Variants in SLC29A3 observed in about 807,000 individuals in gnomAD.
The protein encoded by SLC29A3 is solute carrier family 29 member 3, also known as equilibrative nucleoside transporter 3.
A neutral mutation model predicts 25.4 loss-of-function variants in SLC29A3; 18 were observed. That is an observed-to-expected ratio of 0.71 (90% CI 0.49 to 1.05). The LOEUF is 1.05. Among genes scored for constraint, SLC29A3 ranks in the 50% least tolerant of loss-of-function variants. The pLI, the probability that SLC29A3 is intolerant of heterozygous loss-of-function variation, is 0.00. For missense variants in SLC29A3, 586 were observed against 609.0 expected, an observed-to-expected ratio of 0.96 and a Z score of 0.40; for synonymous variants, 258 against 267.1, an observed-to-expected ratio of 0.97 and a Z score of 0.33.
At chr10:71,351,496 C>G in intron 3 of SLC29A3, 66 bp from the exon 4 acceptor site, 2 of 1,469,738 alleles carry the variant, frequency 1.4e-6, no homozygotes, top group South Asian at 1.1e-5. Context: ...TAAGGTGGCT[C>G]ACCAGCCCCA....
intron 3 of SLC29A3, chr10:71,375,585 C>G (rs1338162438): frequency 6.6e-6 from 1 of 152,050 alleles, no homozygotes; most frequent in East Asian, 1.9e-4. Flanking sequence ...TAATGACATA[C>G]AGATTTTAAA....
chr10:71,379,366 A>T (rs868237433), intron 4 of SLC29A3, among the ~76,000 whole-genome samples: 16 of 152,224 alleles, frequency 1.1e-4, no homozygotes, highest in South Asian at 2.1e-4. Flanking sequence ...ATGGCACTAA[A>T]CCCAAACTAA....
At chr10:71,342,208 T>G (rs893779754) in intron 2 of SLC29A3, among the ~76,000 whole-genome samples, 3 of 152,190 alleles carry the variant, frequency 2.0e-5, no homozygotes, top group African/African-American at 7.2e-5. Context: ...AATAATTGAA[T>G]ACAACCCACC....
intron 2 of SLC29A3, among the ~76,000 whole-genome samples, chr10:71,340,569 G>A (rs1307746729): frequency 1.3e-5 from 2 of 152,210 alleles, no homozygotes; most frequent in African/African-American, 4.8e-5. Context: ...CCCAGTGGAG[G>A]TGAACTCTGT....
intron 1 of SLC29A3, among the ~76,000 whole-genome samples, chr10:71,320,292 A>T (rs1318022599): frequency 1.3e-5 from 2 of 152,208 alleles, no homozygotes; most frequent in Non-Finnish European, 2.9e-5. Flanking sequence ...TGGGTGGGTC[A>T]TGATTATTTT....
intron 4 of SLC29A3, among the ~76,000 whole-genome samples, chr10:71,354,480 G>C (rs1846844487): frequency 6.6e-6 from 1 of 152,242 alleles, no homozygotes; most frequent in South Asian, 2.1e-4. Context: ...TCCTCCGTCA[G>C]ACCAAGGGCT....
intron 2 of SLC29A3, among the ~76,000 whole-genome samples, chr10:71,323,476 AAGTCCAGCCATTACATC>A (rs1330854820): frequency 6.6e-6 from 1 of 152,260 alleles, no homozygotes; most frequent in African/African-American, 2.4e-5. Flanking sequence ...CGGCTGTTGT[AAGTCCAGCCATTACATC>A]AGTAGGAAAA....
At chr10:71,354,238 C>T (rs538936661) in intron 4 of SLC29A3, among the ~76,000 whole-genome samples, 4 of 152,260 alleles carry the variant, frequency 2.6e-5, no homozygotes. Context: ...CACAGCCCTA[C>T]GAGGTGGGTA....
chr10:71,346,569 G>T (rs1015562777), intron 3 of SLC29A3, among the ~76,000 whole-genome samples: 1 of 152,194 alleles, frequency 6.6e-6, no homozygotes, highest in African/African-American at 2.4e-5. Flanking sequence ...GCCTGGCACG[G>T]TGACACATGC....
Position 71,351,643 on chromosome 10 carries a change from G to A in SLC29A3, c.465G>A (p.Val155=), listed in dbSNP as rs746005698. The change falls in exon 4 of 6, where the codon GTG becomes GTA. Residue 155 remains valine, a synonymous_variant. Transcript: ENST00000373189. ...TGGTGATAACTGCACTGGTGAAGGT[G>A]GACACTTCCTCCTGGACCCGTGGCT... is the stretch of plus-strand genomic sequence containing the variant. ...IFMVITALVK[V]DTSSWTRGFF... 62 of 1,614,058 alleles carry A rather than the reference G, an allele frequency of 3.8e-5. 1 individual carries two copies. Among genetic ancestry groups the A allele is most frequent in the Non-Finnish European group, 3.9e-5 (46 of 1,180,010 alleles).
intron 2 of SLC29A3, among the ~76,000 whole-genome samples, chr10:71,341,415 T>G (rs909373276): frequency 1.3e-5 from 2 of 152,070 alleles, no homozygotes; most frequent in African/African-American, 4.8e-5. Flanking sequence ...GAGGGTTTGG[T>G]GGGGAAGGGC....
chr10:71,334,281 C>T (rs527243015), intron 2 of SLC29A3, among the ~76,000 whole-genome samples: 23 of 152,340 alleles, frequency 1.5e-4, no homozygotes, highest in Admixed American at 2.6e-4. Flanking sequence ...TGAAAGCTGC[C>T]CTTGACAACA....
chr10:71,375,016 T>G (rs1415333959), intron 3 of SLC29A3, among the ~76,000 whole-genome samples: 1 of 152,226 alleles, frequency 6.6e-6, no homozygotes, highest in Non-Finnish European at 1.5e-5. Flanking sequence ...ATCTCACCTA[T>G]GCCTGAGATG....
downstream of SLC29A3, among the ~76,000 whole-genome samples, chr10:71,367,812 G>A (rs1847181854): frequency 6.6e-6 from 1 of 152,174 alleles, no homozygotes. Context: ...CACAGCATAG[G>A]GCCAAGGAAT....
intron 4 of SLC29A3, among the ~76,000 whole-genome samples, chr10:71,377,356 C>T (rs1214140552): frequency 6.6e-6 from 1 of 152,382 alleles, no homozygotes; most frequent in African/African-American, 2.4e-5. Flanking sequence ...CCCAGTTCAG[C>T]AACTCATGGC....
At chr10:71,323,408 A>G (rs1845898111) in intron 2 of SLC29A3, among the ~76,000 whole-genome samples, 1 of 152,242 alleles carries the variant, frequency 6.6e-6, no homozygotes, top group Admixed American at 6.5e-5. Context: ...GGCATTAGGA[A>G]CCCAGTTGCT....
downstream of SLC29A3, among the ~76,000 whole-genome samples, chr10:71,363,630 A>C (rs113476438): frequency 8.4e-4 from 127 of 151,480 alleles, no homozygotes; most frequent in Middle Eastern, 3.4e-3. Context: ...TGCCTCGCTA[A>C]TTTCTGTATT....
intron 2 of SLC29A3, among the ~76,000 whole-genome samples, chr10:71,337,989 T>C (rs146175304): frequency 6.6e-6 from 1 of 152,342 alleles, no homozygotes; most frequent in Non-Finnish European, 1.5e-5. Flanking sequence ...CTTCTCACCA[T>C]AGCGAGCAAC....
At chr10:71,344,395 T>G in intron 3 of SLC29A3, 104 bp downstream of exon 3, 1 of 853,728 alleles carries the variant, frequency 1.2e-6, no homozygotes, top group Non-Finnish European at 2.0e-6. Flanking sequence ...TAAGTGGTGG[T>G]CACCAAAGTA....
Sources: gnomAD v4.1 joint callset for allele counts (sites outside exome capture counted in the v4.1 genomes callset) on GRCh38, gnomAD v4.1.1 for gene constraint, MANE v1.5 for transcripts, NCBI Gene and HGNC (gene_info 2026-07-23, HGNC 2026-07-21) for gene names.